STAU2: variants seen among roughly 807,000 people sequenced by gnomAD.
The protein encoded by STAU2 is staufen double-stranded RNA binding protein 2, also known as double-stranded RNA-binding protein Staufen homolog 2.
Under a neutral mutation model 65.9 loss-of-function variants are expected in STAU2, and 20 were observed. The observed-to-expected ratio is 0.30, with a 90% CI of 0.21 to 0.44. The LOEUF is 0.44. Ranked by LOEUF, STAU2 falls within the 20% of genes least tolerant of loss-of-function variation. The pLI, the probability that STAU2 is intolerant of heterozygous loss-of-function variation, is 1.00. For synonymous variants in STAU2, 232 were observed against 233.9 expected (o/e 0.99, Z 0.07); for missense variants, 558 against 683.9 (o/e 0.82, Z 2.05).
chr8:73,651,119 G>C (rs958684416), intron 6 of STAU2, among the ~76,000 whole-genome samples: 2 of 152,226 alleles, frequency 1.3e-5, no homozygotes, highest in African/African-American at 4.8e-5. Context: ...CACACCCCCA[G>C]GCCTGCCGAG....
intron 4 of STAU2, among the ~76,000 whole-genome samples, chr8:73,699,864 A>G: frequency 6.6e-6 from 1 of 151,320 alleles, no homozygotes; most frequent in African/African-American, 2.4e-5. Context: ...ACACATCAAA[A>G]AAAAAAAAAA....
At position 73,420,966 on chromosome 8, in the gene STAU2, TGAGA is replaced by T. The variant is rs779211419; in HGVS notation, c.*402_*405del. Reference sequence around the variant, plus strand: ...TCGAATTGTCAAGCAGTATTTGAAATGAGAGAGAGAGAGAATATAACTGAACACA... The same window carrying T: ...TCGAATTGTCAAGCAGTATTTGAAATGAGAGAGAGAATATAACTGAACACA... On this transcript the variant is annotated 3_prime_UTR_variant, in exon 15 of 15. Coordinates refer to ENST00000524300, the MANE Select transcript of STAU2 (RefSeq NM_001164380.2). 3.6e-5 allele frequency: 6 copies of T among 165,352 alleles called. No homozygotes were observed. The highest frequency in any genetic ancestry group is 5.2e-5 in the Non-Finnish European group (4 of 76,500). 10.2% of individuals were successfully genotyped at this position (165,352 alleles called of 1,614,324 possible). A position where few individuals can be genotyped will look rare whatever the true frequency, so the allele number is the denominator to read the frequency against.
At chr8:73,577,253 C>T (rs554266437) in intron 12 of STAU2, among the ~76,000 whole-genome samples, 1 of 151,912 alleles carries the variant, frequency 6.6e-6, no homozygotes, top group East Asian at 1.9e-4. Flanking sequence ...ACAATGAAAC[C>T]CCGTCTCTAC....
At chr8:73,615,620 G>A (rs775052805) in intron 8 of STAU2, 55 bp downstream of exon 8, 187 of 1,367,126 alleles carry the variant, frequency 1.4e-4, no homozygotes, top group Middle Eastern at 1.3e-3. Flanking sequence ...TGATTTGTTT[G>A]TTTAAAATAA....
At chr8:73,443,445 C>A (rs887062378) in intron 13 of STAU2, among the ~76,000 whole-genome samples, 3 of 152,150 alleles carry the variant, frequency 2.0e-5, no homozygotes, top group Admixed American at 1.3e-4. Flanking sequence ...TAGAAAGCAA[C>A]AAGGCAATAT....
intron 3 of STAU2, among the ~76,000 whole-genome samples, chr8:73,724,675 G>GTGTGTGTGTGTA (rs144911202): frequency 1.4e-5 from 2 of 138,102 alleles, no homozygotes; most frequent in Non-Finnish European, 3.1e-5. Context: ...GTGTGTGTGT[G>GTGTGTGTGTGTA]TATATATATA....
intron 13 of STAU2, among the ~76,000 whole-genome samples, chr8:73,537,310 G>GA (rs1412217506): frequency 6.5e-5 from 4 of 61,344 alleles, no homozygotes; most frequent in Admixed American, 1.5e-4. Flanking sequence ...GAGTGGGACT[G>GA]AAAAAAATTC....
At chr8:73,707,419 G>A (rs1404835907) in intron 4 of STAU2, among the ~76,000 whole-genome samples, 1 of 152,116 alleles carries the variant, frequency 6.6e-6, no homozygotes, top group East Asian at 1.9e-4. Flanking sequence ...AGTGGCTGAA[G>A]GACAGTAGAG....
rs1225988439 is a variant in STAU2 at position 73,688,761 on chromosome 8, C to A, written c.167G>T (p.Ser56Ile). The A allele has an allele frequency of 6.2e-7, 1 of 1,614,180 alleles. No homozygotes were observed. The highest frequency in any genetic ancestry group is 2.2e-5 in the East Asian group (1 of 44,882). ...LGEQTWESEG[S>I]SIKKAQQAVA... ...AGCCTGCTGAGCCTTCTTTATACTG[C>A]TGCCTTCGGATTCCCATGTCTGCTC... Residue 56 changes from serine (S) to isoleucine (I), a missense_variant, in exon 5 of 15, where the codon AGC (serine) becomes ATC (isoleucine). Ser to Ile is a moderately radical substitution (Grantham distance 142). Coordinates refer to ENST00000524300, the MANE Select transcript of STAU2 (RefSeq NM_001164380.2).
chr8:73,439,485 G>T (rs903348055), intron 13 of STAU2, among the ~76,000 whole-genome samples: 2 of 152,172 alleles, frequency 1.3e-5, no homozygotes, highest in Admixed American at 6.5e-5. Flanking sequence ...TCACATGGGG[G>T]TGCACGCCTG....
chr8:73,600,181 A>T (rs1394793963), intron 10 of STAU2, among the ~76,000 whole-genome samples: 1 of 152,246 alleles, frequency 6.6e-6, no homozygotes, highest in East Asian at 1.9e-4. Flanking sequence ...CAAATGATAT[A>T]AAAAAGGTGC....
At chr8:73,476,372 A>G (rs946857465) in intron 13 of STAU2, among the ~76,000 whole-genome samples, 1 of 152,220 alleles carries the variant, frequency 6.6e-6, no homozygotes, top group Non-Finnish European at 1.5e-5. Context: ...AAATGGTAAT[A>G]GTCACCTGAA....
chr8:73,522,229 A>G, intron 13 of STAU2, among the ~76,000 whole-genome samples: 1 of 152,222 alleles, frequency 6.6e-6, no homozygotes, highest in East Asian at 1.9e-4. Flanking sequence ...GAAGGTGACT[A>G]ATGTAATTAA....
intron 3 of STAU2, among the ~76,000 whole-genome samples, chr8:73,717,291 T>C (rs1821316332): frequency 6.6e-6 from 1 of 152,116 alleles, no homozygotes; most frequent in South Asian, 2.1e-4. Context: ...TAGTCTAATT[T>C]ATCAATTTTT....
intron 6 of STAU2, among the ~76,000 whole-genome samples, chr8:73,629,496 G>A (rs996994587): frequency 1.3e-5 from 2 of 152,118 alleles, no homozygotes; most frequent in African/African-American, 2.4e-5. Context: ...AGAAGGACAC[G>A]TATGTTTTAA....
intron 13 of STAU2, among the ~76,000 whole-genome samples, chr8:73,483,479 A>T (rs565384899): frequency 6.6e-6 from 1 of 151,974 alleles, no homozygotes; most frequent in African/African-American, 2.4e-5. Context: ...GAATTTTTCA[A>T]CCTTTGAAAT....
chr8:73,662,417 G>A (rs1816896551), intron 6 of STAU2, among the ~76,000 whole-genome samples: 1 of 151,896 alleles, frequency 6.6e-6, no homozygotes. Context: ...TTTAAATTTT[G>A]ATGACATGTA....
intron 13 of STAU2, among the ~76,000 whole-genome samples, chr8:73,500,392 G>C (rs534577792): frequency 1.6e-4 from 24 of 151,820 alleles, no homozygotes; most frequent in African/African-American, 5.3e-4. Context: ...GAAACTTTGT[G>C]AATTTTTTTT....
chr8:73,546,148 G>GTTTTTTTTTTTTTTTTTTTCTTTT (rs1563412799), intron 13 of STAU2, among the ~76,000 whole-genome samples: 1 of 116,462 alleles, frequency 8.6e-6, no homozygotes. Flanking sequence ...TTTTTTTTTG[G>GTTTTTTTTTTTTTTTTTTTCTTTT]TAGAGACAGA....
Sources: gnomAD v4.1 joint callset for allele counts (sites outside exome capture counted in the v4.1 genomes callset) on GRCh38, gnomAD v4.1.1 for gene constraint, MANE v1.5 for transcripts, NCBI Gene and HGNC (gene_info 2026-07-23, HGNC 2026-07-21) for gene names.